Variants in MDGA2 observed in about 807,000 individuals in gnomAD.
The protein encoded by MDGA2 is MAM domain-containing glycosylphosphatidylinositol anchor protein 2.
MDGA2 carries 40 observed loss-of-function variants against 117.8 expected under a neutral mutation model. That is an observed-to-expected ratio of 0.34 (90% CI 0.26 to 0.44). The LOEUF (loss-of-function observed/expected upper bound fraction) is 0.44, where lower values mean the gene tolerates loss of function less well. MDGA2 is among the 20% of genes least tolerant of loss of function. The pLI is 1.00. For synonymous variants in MDGA2, 452 were observed against 439.0 expected (o/e 1.03, Z -0.37); for missense variants, 1,123 against 1,250.6 (o/e 0.90, Z 1.54).
intron 10 of MDGA2, among the ~76,000 whole-genome samples, chr14:46,917,620 AT>A (rs1434941457): frequency 6.6e-6 from 1 of 152,120 alleles, no homozygotes; most frequent in Non-Finnish European, 1.5e-5. Context: ...ATATGGAATC[AT>A]ATATAATTTA....
intron 1 of MDGA2, among the ~76,000 whole-genome samples, chr14:47,518,043 G>C (rs900458924): frequency 6.6e-6 from 1 of 152,094 alleles, no homozygotes; most frequent in South Asian, 2.1e-4. Flanking sequence ...TAGAAATAAA[G>C]AGATTTTTAT....
chr14:47,443,922 A>G (rs1162872409), intron 1 of MDGA2, among the ~76,000 whole-genome samples: 1 of 152,138 alleles, frequency 6.6e-6, no homozygotes, highest in Non-Finnish European at 1.5e-5. Context: ...CTTCCTACAT[A>G]GGTTCTGGGG....
At chr14:47,426,467 A>G (rs914703603) in intron 1 of MDGA2, among the ~76,000 whole-genome samples, 4 of 151,950 alleles carry the variant, frequency 2.6e-5, no homozygotes, top group Admixed American at 6.6e-5. Context: ...TGATCTGGGT[A>G]TAACTGTTCG....
chr14:46,858,026 C>T (rs1005689315), intron 14 of MDGA2, among the ~76,000 whole-genome samples: 2 of 151,376 alleles, frequency 1.3e-5, no homozygotes, highest in African/African-American at 4.8e-5. Context: ...ATATATAAAT[C>T]CTTAAATATA....
intron 10 of MDGA2, among the ~76,000 whole-genome samples, chr14:46,904,147 T>A (rs938257961): frequency 3.0e-4 from 46 of 151,984 alleles, no homozygotes; most frequent in African/African-American, 1.1e-3. Context: ...GTGGATCACT[T>A]GAGGTCAGGA....
chr14:47,480,165 A>T (rs1893922738), intron 1 of MDGA2, among the ~76,000 whole-genome samples: 1 of 152,072 alleles, frequency 6.6e-6, no homozygotes, highest in Non-Finnish European at 1.5e-5. Context: ...TGTATAGCTC[A>T]AACTTTGGCA....
intron 14 of MDGA2, among the ~76,000 whole-genome samples, chr14:46,861,109 G>A (rs1024814117): frequency 5.3e-5 from 8 of 151,516 alleles, no homozygotes; most frequent in African/African-American, 1.9e-4. Context: ...TATTTCTCTT[G>A]GGTTGCATGA....
At chr14:47,307,614 G>T (rs1311062374) in intron 1 of MDGA2, among the ~76,000 whole-genome samples, 1 of 152,054 alleles carries the variant, frequency 6.6e-6, no homozygotes, top group Non-Finnish European at 1.5e-5. Context: ...CCAGGAGGCG[G>T]AGGTTGCAGT....
At position 47,284,798 on chromosome 14, in the gene MDGA2, A is replaced by G. The variant is rs146720710; in HGVS notation, c.420+16613T>C. ...CTCTCCTGTGGTAAGAAACTGCCTAAGAAGCAAGCCAGCATTACCCAGATG... is the reference window on the plus strand; with the variant it reads ...CTCTCCTGTGGTAAGAAACTGCCTAGGAAGCAAGCCAGCATTACCCAGATG... On this transcript the variant is annotated intron_variant, in intron 2 of 16. Coordinates refer to ENST00000399232, the MANE Select transcript of MDGA2 (RefSeq NM_001113498.3). Among the ~76,000 whole-genome samples, 320 of 152,268 alleles carry G rather than the reference A, an allele frequency of 2.1e-3. 4 individuals are homozygous for G. The highest frequency in any genetic ancestry group is 7.5e-3 in the African/African-American group (312 of 41,544).
chr14:46,877,763 T>G (rs1459083539), intron 11 of MDGA2, among the ~76,000 whole-genome samples: 1 of 151,824 alleles, frequency 6.6e-6, no homozygotes, highest in Non-Finnish European at 1.5e-5. Flanking sequence ...CAGGAAATGT[T>G]CCCTTTTCAA....
chr14:46,922,728 G>A lies in MDGA2; in HGVS notation c.2090-2568C>T, dbSNP rs185516967. On this transcript the variant is annotated intron_variant, in intron 9 of 16. Transcript: ENST00000399232. ...AAATTTCTCTCTGAAATTACCTCCA[G>A]GTCTATATAACAAAAGATGTAAAAA... 2.1e-3 allele frequency among the ~76,000 whole-genome samples: 324 copies of A among 152,184 alleles called. 4 individuals are homozygous for A. Among genetic ancestry groups the A allele is most frequent in the South Asian group, 8.9e-3 (43 of 4,808 alleles).
intron 5 of MDGA2, among the ~76,000 whole-genome samples, chr14:47,103,558 T>C (rs1880460986): frequency 6.6e-6 from 1 of 152,232 alleles, no homozygotes; most frequent in Non-Finnish European, 1.5e-5. Context: ...TGAAATTGTA[T>C]TCATAAACAG....
chr14:47,215,196 T>C (rs571491639), intron 3 of MDGA2, among the ~76,000 whole-genome samples: 13 of 152,116 alleles, frequency 8.5e-5, no homozygotes, highest in Non-Finnish European at 1.5e-4. Context: ...GTCCTTTTTT[T>C]TTAGCATTTC....
chr14:47,441,206 C>A (rs1217209796), intron 1 of MDGA2, among the ~76,000 whole-genome samples: 1 of 152,070 alleles, frequency 6.6e-6, no homozygotes, highest in Admixed American at 6.6e-5. Flanking sequence ...CAAGCAGAGT[C>A]AAGGACTTCC....
At chr14:47,519,914 T>C (rs2138710763) in intron 1 of MDGA2, among the ~76,000 whole-genome samples, 1 of 152,274 alleles carries the variant, frequency 6.6e-6, no homozygotes. Context: ...AGCTAGAAGG[T>C]CATTATGTTT....
At chr14:46,995,002 A>C (rs1887235108) in intron 8 of MDGA2, among the ~76,000 whole-genome samples, 1 of 152,078 alleles carries the variant, frequency 6.6e-6, no homozygotes, top group Non-Finnish European at 1.5e-5. Context: ...ATATTAAAAT[A>C]AAAAATTTGG....
At chr14:47,453,785 T>C (rs1393205213) in intron 1 of MDGA2, among the ~76,000 whole-genome samples, 15 of 152,198 alleles carry the variant, frequency 9.9e-5, no homozygotes, top group Admixed American at 9.2e-4. Flanking sequence ...AATTGACTAA[T>C]CTATAGCCAG....
rs1265042949 is a variant in MDGA2 at position 47,206,579 on chromosome 14, A to C, written c.595+11442T>G. Among the ~76,000 whole-genome samples, 4 of 151,860 alleles carry C rather than the reference A, an allele frequency of 2.6e-5. 1 individual carries two copies. Among genetic ancestry groups the C allele is most frequent in the African/African-American group, 2.4e-5 (1 of 41,360 alleles). ...GCACTCTGGCTCTGTCTCAAATATAAAAATAAAATAAAATAAGTATATAGG... is the reference window on the plus strand; with the variant it reads ...GCACTCTGGCTCTGTCTCAAATATACAAATAAAATAAAATAAGTATATAGG... On this transcript the variant is annotated intron_variant, in intron 3 of 16. Coordinates refer to ENST00000399232, the MANE Select transcript of MDGA2 (RefSeq NM_001113498.3).
chr14:47,367,346 C>CA (rs979703218), intron 1 of MDGA2, among the ~76,000 whole-genome samples: 7 of 151,966 alleles, frequency 4.6e-5, no homozygotes, highest in Non-Finnish European at 8.8e-5. Flanking sequence ...CTGGCTGTAC[C>CA]AAAAAAGAGT....
Sources: allele counts gnomAD v4.1 joint callset (sites outside exome capture counted in the v4.1 genomes callset), GRCh38; gene constraint gnomAD v4.1.1; transcripts MANE v1.5; gene names NCBI Gene and HGNC (gene_info 2026-07-23, HGNC 2026-07-21).